The following FOXN3 variants were observed in gnomAD, a reference collection of about 807,000 sequenced individuals.
The protein encoded by FOXN3 is forkhead box protein N3.
A neutral mutation model predicts 38.4 loss-of-function variants in FOXN3; 7 were observed. That is an observed-to-expected ratio of 0.18 (90% CI 0.10 to 0.34). The LOEUF (loss-of-function observed/expected upper bound fraction) is 0.34, where lower values mean the gene tolerates loss of function less well. Among genes scored for constraint, FOXN3 ranks in the 10% least tolerant of loss-of-function variants. The pLI is 1.00. For missense variants in FOXN3, 456 were observed against 613.4 expected (o/e 0.74, Z 2.71); for synonymous variants, 230 against 242.2 (o/e 0.95, Z 0.47).
At chr14:89,371,537 C>CA (rs1408809910) in intron 2 of FOXN3, among the ~76,000 whole-genome samples, 1 of 152,044 alleles carries the variant, frequency 6.6e-6, no homozygotes, top group Non-Finnish European at 1.5e-5. Flanking sequence ...GGAACTGCTG[C>CA]AACAGCTGTT....
chr14:89,552,028 T>A (rs2041823236), intron 1 of FOXN3, among the ~76,000 whole-genome samples: 1 of 152,254 alleles, frequency 6.6e-6, no homozygotes, highest in Non-Finnish European at 1.5e-5. Context: ...CATGGTCTGA[T>A]GATCTCCGGA....
chr14:89,572,188 A>C (rs1222937537), intron 1 of FOXN3, among the ~76,000 whole-genome samples: 1 of 152,254 alleles, frequency 6.6e-6, no homozygotes, highest in Non-Finnish European at 1.5e-5. Flanking sequence ...GAATCACTAA[A>C]GTATACAGAT....
chr14:89,585,242 T>A (rs1895819891), intron 1 of FOXN3, among the ~76,000 whole-genome samples: 1 of 152,164 alleles, frequency 6.6e-6, no homozygotes, highest in Non-Finnish European at 1.5e-5. Flanking sequence ...CGAATTCTAT[T>A]GATCCTTCAA....
intron 3 of FOXN3, among the ~76,000 whole-genome samples, chr14:89,301,928 T>C (rs1887229487): frequency 6.6e-6 from 1 of 152,080 alleles, no homozygotes; most frequent in South Asian, 2.1e-4. Context: ...CTCACTCCTT[T>C]CCCGGTGACC....
chr14:89,267,015 A>T (rs1886001109), intron 4 of FOXN3, among the ~76,000 whole-genome samples: 1 of 152,210 alleles, frequency 6.6e-6, no homozygotes, highest in Non-Finnish European at 1.5e-5. Flanking sequence ...GGGAAAAGTG[A>T]TGAAGCAGGA....
rs531638828 is a variant in FOXN3 at position 89,438,271 on chromosome 14, G to T, written c.-14-25781C>A. The stretch of plus-strand genomic sequence containing the variant: ...GCCCTGGGATGGGTCCCAGCAATGT[G>T]CTGAATGAGCACCTTCAGTAAATAA... On this transcript the variant is annotated intron_variant, in intron 1 of 6. Coordinates refer to the FOXN3 transcript ENST00000345097. 1.2e-4 allele frequency among the ~76,000 whole-genome samples: 18 copies of T among 152,370 alleles called. No individual in the cohort carries two copies. In the South Asian group the frequency reaches 3.7e-3, roughly 32 times the overall value.
At position 89,448,405 on chromosome 14, in the gene FOXN3, C is replaced by A. The variant is rs966116147; in HGVS notation, c.-14-35915G>T. On this transcript the variant is annotated intron_variant, in intron 1 of 6. Transcript: ENST00000345097. ...GTGCTCACTGGGAAGTCAGCAGGAC[C>A]ATGTCAGCAAGGAAGAGGCTCGAAC... 1.6e-4 allele frequency among the ~76,000 whole-genome samples: 24 copies of A among 152,146 alleles called. No individual in the cohort carries two copies. In the East Asian group the frequency reaches 4.5e-3, roughly 28 times the overall value.
At chr14:89,432,000 C>G (rs1892169595) in intron 1 of FOXN3, among the ~76,000 whole-genome samples, 2 of 152,228 alleles carry the variant, frequency 1.3e-5, no homozygotes, top group Admixed American at 6.5e-5. Flanking sequence ...CAGGCGTGAG[C>G]CACCACGCCC....
intron 4 of FOXN3, among the ~76,000 whole-genome samples, chr14:89,265,561 A>C (rs1011489786): frequency 7.2e-5 from 11 of 152,156 alleles, no homozygotes; most frequent in African/African-American, 2.4e-4. Flanking sequence ...CACACAGATG[A>C]ATGAACTGGG....
At chr14:89,368,100 G>C (rs564457045) in intron 2 of FOXN3, among the ~76,000 whole-genome samples, 1 of 151,770 alleles carries the variant, frequency 6.6e-6, no homozygotes, top group African/African-American at 2.4e-5. Context: ...AGGCCGAGGC[G>C]GGTGAATCAC....
chr14:89,492,355 A>G (rs1258249720), intron 1 of FOXN3, among the ~76,000 whole-genome samples: 1 of 131,006 alleles, frequency 7.6e-6, no homozygotes, highest in African/African-American at 2.8e-5. Context: ...ACCCACCCCA[A>G]AGATGGGTCT....
chr14:89,527,551 A>C (rs1894457263), intron 1 of FOXN3, among the ~76,000 whole-genome samples: 1 of 152,206 alleles, frequency 6.6e-6, no homozygotes, highest in South Asian at 2.1e-4. Context: ...ACCCAACAAT[A>C]TAATGGGCAA....
intron 2 of FOXN3, 21 bp from the exon 3 acceptor site, chr14:89,350,829 C>A (rs1407259575): frequency 6.6e-7 from 1 of 1,516,612 alleles, no homozygotes; most frequent in South Asian, 1.3e-5. Context: ...AATTAAAATA[C>A]AAAGGCATTA....
At chr14:89,194,717 T>TAA (rs36091299) in intron 4 of FOXN3, among the ~76,000 whole-genome samples, 30,658 of 146,838 alleles carry the variant, frequency 0.21, 3,810 homozygotes, top group African/African-American at 0.36. Flanking sequence ...GTGCTCACTG[T>TAA]AAAAAAAAAA....
chr14:89,492,398 G>C (rs1465080158), intron 1 of FOXN3, among the ~76,000 whole-genome samples: 1 of 151,722 alleles, frequency 6.6e-6, no homozygotes, highest in Non-Finnish European at 1.5e-5. Context: ...GTACAAGTGG[G>C]CAGAGCAGCT....
At chr14:89,511,211 C>CT (rs1486703309) in intron 1 of FOXN3, among the ~76,000 whole-genome samples, 338 of 10,458 alleles carry the variant, frequency 0.032, 79 homozygotes, top group Non-Finnish European at 0.066. Context: ...TCTTTTCTTT[C>CT]TTTCTTTCTT....
chr14:89,286,170 G>A (rs916846685), intron 3 of FOXN3, among the ~76,000 whole-genome samples: 2 of 151,934 alleles, frequency 1.3e-5, no homozygotes, highest in African/African-American at 4.8e-5. Flanking sequence ...GGAGTAGGGA[G>A]GGGAGGAGGG....
chr14:89,540,923 A>T (rs1458903947), intron 1 of FOXN3, among the ~76,000 whole-genome samples: 1 of 152,138 alleles, frequency 6.6e-6, no homozygotes, highest in Non-Finnish European at 1.5e-5. Flanking sequence ...AGTAAGTAGG[A>T]AATGTCTAAT....
At chr14:89,320,935 T>A (rs4904545) in intron 3 of FOXN3, among the ~76,000 whole-genome samples, 4 of 151,998 alleles carry the variant, frequency 2.6e-5, no homozygotes, top group East Asian at 1.9e-4. Flanking sequence ...TTTTATGAAC[T>A]GTTTATATGC....
Sources: gnomAD v4.1 joint callset for allele counts (sites outside exome capture counted in the v4.1 genomes callset) on GRCh38, gnomAD v4.1.1 for gene constraint, MANE v1.5 for transcripts, NCBI Gene and HGNC (gene_info 2026-07-23, HGNC 2026-07-21) for gene names.